CACNA1C: variants seen among roughly 807,000 people sequenced by gnomAD.
CACNA1C encodes the protein calcium voltage-gated channel subunit alpha1 C, also known as voltage-dependent L-type calcium channel subunit alpha-1C.
A neutral mutation model predicts 229.0 loss-of-function variants in CACNA1C; 30 were observed. The observed-to-expected ratio is 0.13, with a 90% CI of 0.10 to 0.18. CACNA1C has a LOEUF of 0.18. CACNA1C is among the 10% of genes least tolerant of loss of function. CACNA1C has a pLI of 1.00. For synonymous variants in CACNA1C, 1,114 were observed against 1,132.5 expected, an observed-to-expected ratio of 0.98 and a Z score of 0.33; for missense variants, 1,658 against 2,845.0, an observed-to-expected ratio of 0.58 and a Z score of 9.49.
intron 3 of CACNA1C, among the ~76,000 whole-genome samples, chr12:2,129,085 A>T (rs756225486): frequency 1.3e-5 from 2 of 152,192 alleles, no homozygotes; most frequent in Non-Finnish European, 2.9e-5. Flanking sequence ...ACCATCACAG[A>T]CATCTTGAAG....
At chr12:2,150,697 G>A (rs189633602) in intron 3 of CACNA1C, among the ~76,000 whole-genome samples, 3 of 152,298 alleles carry the variant, frequency 2.0e-5, no homozygotes, top group East Asian at 1.9e-4. Context: ...ATTTACATGG[G>A]TGTTTTGAAG....
intron 1 of CACNA1C, among the ~76,000 whole-genome samples, chr12:2,022,411 GTTTTGTTTTGGTTTGGTAATGT>G (rs2046615900): frequency 6.6e-6 from 1 of 151,110 alleles, no homozygotes; most frequent in African/African-American, 2.4e-5. Flanking sequence ...GAAATTTGGG[GTTTTGTTTTGGTTTGGTAATGT>G]TTTTGTGACC....
rs2099766304 is a variant in CACNA1C at position 2,504,035 on chromosome 12, A to AGG, written c.1114-807_1114-806insGG. On this transcript the variant is annotated intron_variant, in intron 7 of 46. Coordinates refer to ENST00000399655, the MANE Select transcript of CACNA1C (RefSeq NM_000719.7). The surrounding 1 kb of genome is among the most constrained non-coding windows in gnomAD (Gnocchi z 6.8). ...GTCAGCAGGAGCTGACGCACTTCAT[A>AGG]CACCAAGGTCAGGGGCCTCCGGGTG... Among the ~76,000 whole-genome samples the AGG allele has an allele frequency of 6.6e-6, 1 of 152,182 alleles. No individual in the cohort carries two copies. The highest frequency in any genetic ancestry group is 1.5e-5 in the Non-Finnish European group (1 of 68,030).
rs1036747749 is a variant in CACNA1C, at chr12:2,512,291, C to T, written c.1218-521C>T. Among the ~76,000 whole-genome samples the T allele has an allele frequency of 2.6e-5, 4 of 152,102 alleles. No individual in the cohort carries two copies. The highest frequency in any genetic ancestry group is 5.9e-5 in the Non-Finnish European group (4 of 68,026). On this transcript the variant is annotated intron_variant, in intron 8 of 46. Transcript: ENST00000399655. The surrounding 1 kb of genome is among the most constrained non-coding windows in gnomAD (Gnocchi z 4.3). ...CCCTGAAGCCAGAGTTGGGAAGAGACATGAATGATTGGCTCTCAGGACCTG... is the reference window on the plus strand; with the variant it reads ...CCCTGAAGCCAGAGTTGGGAAGAGATATGAATGATTGGCTCTCAGGACCTG...
chr12:2,347,711 C>G (rs1461754157), intron 3 of CACNA1C, among the ~76,000 whole-genome samples: 6 of 152,244 alleles, frequency 3.9e-5, no homozygotes, highest in Non-Finnish European at 7.3e-5. Context: ...TCTCTGAGCT[C>G]CATCCATGTG....
At chr12:2,644,913 C>T (rs2094167936) in intron 30 of CACNA1C, among the ~76,000 whole-genome samples, 1 of 152,208 alleles carries the variant, frequency 6.6e-6, no homozygotes, top group Admixed American at 6.5e-5. Flanking sequence ...AATCGTCTTT[C>T]CTTTCTGTTT....
chr12:2,424,169 C>T (rs1343171338), intron 3 of CACNA1C, among the ~76,000 whole-genome samples: 1 of 152,230 alleles, frequency 6.6e-6, no homozygotes, highest in African/African-American at 2.4e-5. Context: ...TGTGTTTTTC[C>T]ATCTTCAGTG....
chr12:1,994,247 T>C (rs1263452233), intron 1 of CACNA1C, among the ~76,000 whole-genome samples: 3 of 152,184 alleles, frequency 2.0e-5, no homozygotes, highest in Admixed American at 2.0e-4. Context: ...ACACTGAAGC[T>C]GAAGCAAGCA....
At chr12:2,130,206 T>A (rs2091845602) in intron 3 of CACNA1C, among the ~76,000 whole-genome samples, 1 of 151,556 alleles carries the variant, frequency 6.6e-6, no homozygotes, top group Non-Finnish European at 1.5e-5. Context: ...TTTTTTTTTT[T>A]TTTTTTTAAT....
At chr12:2,345,559 T>C (rs2096988567) in intron 3 of CACNA1C, among the ~76,000 whole-genome samples, 1 of 152,214 alleles carries the variant, frequency 6.6e-6, no homozygotes, top group Non-Finnish European at 1.5e-5. Context: ...ATGTTGAAAC[T>C]GAGGCACTGA....
chr12:2,252,417 G>T (rs1049453869), intron 3 of CACNA1C, among the ~76,000 whole-genome samples: 4 of 152,184 alleles, frequency 2.6e-5, no homozygotes, highest in African/African-American at 9.7e-5. Context: ...TGGGTTGTAG[G>T]ACAGTGTAGA....
At chr12:2,446,403 G>A (rs544079096) in intron 3 of CACNA1C, among the ~76,000 whole-genome samples, 1 of 142,590 alleles carries the variant, frequency 7.0e-6, no homozygotes. Context: ...TGGATGGATA[G>A]GTGGGTGGGT....
intron 3 of CACNA1C, among the ~76,000 whole-genome samples, chr12:2,342,953 A>G (rs2096906663): frequency 6.6e-6 from 1 of 152,208 alleles, no homozygotes; most frequent in South Asian, 2.1e-4. Flanking sequence ...GCATTATTTT[A>G]TTTAAGCCTT....
In CACNA1C at chr12:2,131,670, GT is replaced by G. The variant is rs1297953560; in HGVS notation, c.477+11244del. On this transcript the variant is annotated intron_variant, in intron 3 of 46. Transcript: ENST00000399655. ...TTCTGTTCCATTGATCTATATCTCT[GT>G]TTTGGTACCAATACCATGCTGTTTT... Among the ~76,000 whole-genome samples, 9 of 146,332 alleles carry G rather than the reference GT, an allele frequency of 6.2e-5. 2 individuals are homozygous for G. Among genetic ancestry groups the G allele is most frequent in the Admixed American group, 6.1e-4 (9 of 14,674 alleles).
Position 2,022,699 on chromosome 12 carries a change from C to T in CACNA1C, c.139+51498C>T, listed in dbSNP as rs546637719. On this transcript the variant is annotated intron_variant, in intron 1 of 46. Transcript: ENST00000682462. ...GGCTCAAATGATCCTCCCGCCTCAG[C>T]CTCCCAAAGTGTTGAGATTACAGGC... 1.1e-4 allele frequency among the ~76,000 whole-genome samples: 16 copies of T among 152,264 alleles called. 1 individual carries two copies. Among genetic ancestry groups the T allele is most frequent in the Admixed American group, 9.2e-4 (14 of 15,292 alleles).
In CACNA1C at chr12:2,504,691, T is replaced by C; in HGVS notation, c.1114-151T>C. The C allele has an allele frequency of 1.3e-6, 1 of 741,636 alleles. No homozygotes were observed. The highest frequency in any genetic ancestry group is 2.4e-6 in the Non-Finnish European group (1 of 417,272). The allele number at this position is 741,636 out of a possible 1,614,324, so 45.9% of individuals were successfully genotyped here. On this transcript the variant is annotated intron_variant, in intron 7 of 46. Coordinates refer to ENST00000399655, the MANE Select transcript of CACNA1C (RefSeq NM_000719.7). This position sits in a 1 kb window ranked among gnomAD's most constrained non-coding sequence, Gnocchi z 6.8. ...CTGTTCAACCACAGATTCTGACCCA[T>C]TGGCCAGGCAGGCTGTTTGGCCTCT...
At chr12:2,142,400 G>A (rs1224037080) in intron 3 of CACNA1C, among the ~76,000 whole-genome samples, 1 of 151,242 alleles carries the variant, frequency 6.6e-6, no homozygotes, top group African/African-American at 2.4e-5. Flanking sequence ...TCTTATCAAA[G>A]TCTAGCACAG....
chr12:2,382,625 G>A (rs894278696), intron 3 of CACNA1C, among the ~76,000 whole-genome samples: 1 of 152,194 alleles, frequency 6.6e-6, no homozygotes, highest in African/African-American at 2.4e-5. Context: ...GGCTGTGAGA[G>A]ACAGAAAGGA....
chr12:2,501,355 A>G, intron 7 of CACNA1C, among the ~76,000 whole-genome samples: 1 of 152,110 alleles, frequency 6.6e-6, no homozygotes. Flanking sequence ...CCTTGGATCC[A>G]GGTTTCCCTC....
Sources: gnomAD v4.1 joint callset for allele counts (sites outside exome capture counted in the v4.1 genomes callset) on GRCh38, gnomAD v4.1.1 for gene constraint, Gnocchi (gnomAD v3.1) non-coding constraint, MANE v1.5 for transcripts, NCBI Gene and HGNC (gene_info 2026-07-23, HGNC 2026-07-21) for gene names.